The following CDKN2B-AS1 variants were observed in gnomAD, a reference collection of about 807,000 sequenced individuals.
The protein encoded by CDKN2B-AS1 is CDKN2B and CDKN2A antisense cis and trans regulatory RNA 1, also known as CDKN2B antisense RNA 1 (non-protein coding).
rs960371819 is a variant in CDKN2B-AS1 at position 22,016,679 on chromosome 9, G to T, written n.29+21518G>T. 1.2e-4 allele frequency among the ~76,000 whole-genome samples: 19 copies of T among 152,068 alleles called. 1 individual carries two copies. Among genetic ancestry groups the T allele is most frequent in the Non-Finnish European group, 2.1e-4 (14 of 68,012 alleles). ...ACTATCTGATCTTTGACAAACCTGAGAAAAACAAGCAATGGGGAAAGGATT... is the reference window on the plus strand; with the variant it reads ...ACTATCTGATCTTTGACAAACCTGATAAAAACAAGCAATGGGGAAAGGATT... On this transcript the variant is annotated intron_variant and non_coding_transcript_variant, in intron 1 of 4. Coordinates refer to ENST00000650946, the Ensembl canonical transcript of CDKN2B-AS1.
chr9:22,052,218 G>C (rs563325905), intron 3 of CDKN2B-AS1, among the ~76,000 whole-genome samples: 1 of 152,022 alleles, frequency 6.6e-6, no homozygotes, highest in Admixed American at 6.6e-5. Flanking sequence ...TTGGAATTTC[G>C]AGGCTGGATG....
At chr9:22,065,714 G>A (rs941521533) in intron 4 of CDKN2B-AS1, 2 of 152,122 alleles carry the variant, frequency 1.3e-5, no homozygotes, top group African/African-American at 4.8e-5. Flanking sequence ...TTGGAGTAAT[G>A]AGCTACACCT....
At chr9:22,124,631 A>G (rs10757279) in intron 4 of CDKN2B-AS1, among the ~76,000 whole-genome samples, 61,761 of 152,060 alleles carry the variant, frequency 0.41, 13,850 homozygotes, top group Middle Eastern at 0.55. Flanking sequence ...TTAAAAAACT[A>G]ACTTTTCTCT....
chr9:22,061,161 G>A (rs1443460737), intron 4 of CDKN2B-AS1, among the ~76,000 whole-genome samples: 1 of 152,188 alleles, frequency 6.6e-6, no homozygotes, highest in African/African-American at 2.4e-5. Flanking sequence ...AACATTGGGG[G>A]AGAACTGAAA....
At chr9:22,014,353 C>A (rs1175400266) in intron 1 of CDKN2B-AS1, among the ~76,000 whole-genome samples, 1 of 151,954 alleles carries the variant, frequency 6.6e-6, no homozygotes, top group Non-Finnish European at 1.5e-5. Context: ...AGATGAGGGT[C>A]TTGCTTTTTT....
At chr9:22,009,051 C>G (rs958270035) in intron 1 of CDKN2B-AS1, 18 of 1,566,730 alleles carry the variant, frequency 1.1e-5, no homozygotes, top group East Asian at 4.5e-5. Context: ...CCGGCGCACT[C>G]TCTCCTTCCT....
intron 1 of CDKN2B-AS1, among the ~76,000 whole-genome samples, chr9:22,035,402 G>A (rs916141052): frequency 2.6e-5 from 4 of 152,068 alleles, no homozygotes; most frequent in Non-Finnish European, 5.9e-5. Context: ...ACATAGATAT[G>A]GGTGCATGTG....
At chr9:22,046,479 T>C (rs1274289516) in intron 1 of CDKN2B-AS1, 1 of 152,118 alleles carries the variant, frequency 6.6e-6, no homozygotes, top group African/African-American at 2.4e-5. Context: ...TGTGTATAGA[T>C]AGTTGTTTGA....
intron 1 of CDKN2B-AS1, among the ~76,000 whole-genome samples, chr9:22,041,519 T>C (rs1259877217): frequency 2.6e-5 from 4 of 152,036 alleles, no homozygotes; most frequent in African/African-American, 9.7e-5. Flanking sequence ...GGAAAACATA[T>C]AAAAGGGAAC....
intron 1 of CDKN2B-AS1, among the ~76,000 whole-genome samples, chr9:22,037,057 C>T (rs901359996): frequency 2.0e-5 from 3 of 152,152 alleles, no homozygotes; most frequent in African/African-American, 4.8e-5. Flanking sequence ...TTCGTCACTA[C>T]GCTGATGGCA....
intron 4 of CDKN2B-AS1, among the ~76,000 whole-genome samples, chr9:22,115,578 C>T (rs1215267993): frequency 6.6e-6 from 1 of 152,140 alleles, no homozygotes; most frequent in Non-Finnish European, 1.5e-5. Context: ...CCTTTTCACT[C>T]TGCTTCACTT....
intron 1 of CDKN2B-AS1, among the ~76,000 whole-genome samples, chr9:22,038,804 G>T (rs1458321942): frequency 6.6e-6 from 1 of 151,976 alleles, no homozygotes; most frequent in Non-Finnish European, 1.5e-5. Context: ...GTATGCATAT[G>T]TATTCCTTTG....
At chr9:22,012,351 C>T (rs1821545007) in intron 1 of CDKN2B-AS1, 4 of 1,211,876 alleles carry the variant, frequency 3.3e-6, no homozygotes, top group East Asian at 4.7e-5. Context: ...AAACAGCCCA[C>T]CCCGCACCTG....
At chr9:22,098,629 G>A (rs1254126619) in intron 4 of CDKN2B-AS1, among the ~76,000 whole-genome samples, 2 of 152,238 alleles carry the variant, frequency 1.3e-5, no homozygotes, top group South Asian at 2.1e-4. Context: ...CACCAACTCT[G>A]TATCAGTTAC....
intron 4 of CDKN2B-AS1, among the ~76,000 whole-genome samples, chr9:22,081,008 G>T (rs1275685335): frequency 1.3e-5 from 2 of 152,072 alleles, no homozygotes; most frequent in African/African-American, 4.8e-5. Context: ...TCTCCACTCC[G>T]ACTACCTAGA....
chr9:22,121,613 C>T (rs993792096), intron 4 of CDKN2B-AS1, among the ~76,000 whole-genome samples: 9 of 151,988 alleles, frequency 5.9e-5, no homozygotes, highest in Non-Finnish European at 1.5e-5. Context: ...TCTATGAAAT[C>T]AACTTTTTCA....
intron 1 of CDKN2B-AS1, among the ~76,000 whole-genome samples, chr9:22,017,091 A>G (rs556896401): frequency 1.3e-5 from 2 of 152,302 alleles, no homozygotes; most frequent in Admixed American, 6.5e-5. Context: ...ACTTTTTTTC[A>G]AAGAATTACT....
chr9:22,113,379 C>G (rs914784805), intron 4 of CDKN2B-AS1, among the ~76,000 whole-genome samples: 3 of 152,200 alleles, frequency 2.0e-5, no homozygotes, highest in Non-Finnish European at 2.9e-5. Context: ...AACTTCTTTT[C>G]TCTTCTGCCA....
intron 4 of CDKN2B-AS1, among the ~76,000 whole-genome samples, chr9:22,067,056 G>T (rs1237955526): frequency 3.3e-5 from 5 of 152,086 alleles, no homozygotes. Context: ...ACACACCAGG[G>T]CCTGTTGTGG....
Sources: allele counts gnomAD v4.1 joint callset (sites outside exome capture counted in the v4.1 genomes callset), GRCh38; gene constraint gnomAD v4.1.1; transcripts MANE v1.5; gene names NCBI Gene and HGNC (gene_info 2026-07-23, HGNC 2026-07-21).